LHFPL2: variants seen among roughly 807,000 people sequenced by gnomAD.
LHFPL2 encodes the protein LHFPL tetraspan subfamily member 2 protein.
Under a neutral mutation model 17.5 loss-of-function variants are expected in LHFPL2, and 7 were observed. The observed-to-expected ratio is 0.40, with a 90% CI of 0.23 to 0.75. The LOEUF is 0.75. Among genes scored for constraint, LHFPL2 ranks in the 30% least tolerant of loss-of-function variants. The probability of loss-of-function intolerance (pLI) is 0.37; values close to 1 mark genes in which losing one functional copy is unlikely to be tolerated. For missense variants in LHFPL2, 241 were observed against 294.8 expected (o/e 0.82, Z 1.34); for synonymous variants, 134 against 116.2 (o/e 1.15, Z -0.99).
intron 2 of LHFPL2, among the ~76,000 whole-genome samples, chr5:78,578,567 T>A (rs1295777290): frequency 6.8e-6 from 1 of 147,466 alleles, no homozygotes; most frequent in Non-Finnish European, 1.5e-5. Context: ...GGGCTTAGGC[T>A]GTTTTTCTTG....
chr5:78,579,542 T>C (rs931758005), intron 2 of LHFPL2, among the ~76,000 whole-genome samples: 1 of 151,980 alleles, frequency 6.6e-6, no homozygotes, highest in Non-Finnish European at 1.5e-5. Context: ...CCTTCCTGTG[T>C]CCATGTGTTC....
chr5:78,640,786 A>G (rs1335216978), intron 1 of LHFPL2, among the ~76,000 whole-genome samples: 1 of 152,234 alleles, frequency 6.6e-6, no homozygotes, highest in Non-Finnish European at 1.5e-5. Flanking sequence ...ACAGACTAAC[A>G]ATGATTAATC....
chr5:78,579,210 G>A (rs1297818347), intron 2 of LHFPL2, among the ~76,000 whole-genome samples: 2 of 152,088 alleles, frequency 1.3e-5, no homozygotes, highest in Non-Finnish European at 2.9e-5. Context: ...GTTAAAGTCT[G>A]GCCATTTCTC....
intron 2 of LHFPL2, among the ~76,000 whole-genome samples, chr5:78,580,590 T>C (rs377163746): frequency 7.6e-6 from 1 of 131,940 alleles, no homozygotes; most frequent in East Asian, 2.1e-4. Context: ...CAGCACCATT[T>C]ATTAAATAGG....
intron 2 of LHFPL2, among the ~76,000 whole-genome samples, chr5:78,609,450 C>CAAAA (rs71613975): frequency 1.3e-3 from 52 of 40,632 alleles, no homozygotes; most frequent in African/African-American, 2.4e-3. Context: ...GACTCAGTCT[C>CAAAA]AAAAAAAAAA....
At chr5:78,631,654 G>A (rs1423948325) in intron 2 of LHFPL2, among the ~76,000 whole-genome samples, 2 of 152,248 alleles carry the variant, frequency 1.3e-5, no homozygotes, top group Non-Finnish European at 2.9e-5. Context: ...TGAAATTTGG[G>A]GCCAGGTGTG....
At chr5:78,593,116 C>A (rs1034107631) in intron 2 of LHFPL2, among the ~76,000 whole-genome samples, 1 of 152,142 alleles carries the variant, frequency 6.6e-6, no homozygotes, top group African/African-American at 2.4e-5. Flanking sequence ...AGTCACTACA[C>A]AGCAGTTCCA....
intron 3 of LHFPL2, among the ~76,000 whole-genome samples, chr5:78,541,866 T>C (rs1756124036): frequency 1.3e-5 from 2 of 152,228 alleles, no homozygotes; most frequent in South Asian, 4.1e-4. Flanking sequence ...CGCTAGCTTG[T>C]GCCCACCTAG....
At chr5:78,641,924 C>CACACACACACACACACACAT (rs1554061985) in intron 1 of LHFPL2, 18 of 150,766 alleles carry the variant, frequency 1.2e-4, no homozygotes, top group African/African-American at 3.9e-4. Context: ...CACACACACA[C>CACACACACACACACACACAT]ACACACACAC....
chr5:78,526,374 C>A (rs566108718), intron 3 of LHFPL2, among the ~76,000 whole-genome samples: 2 of 152,130 alleles, frequency 1.3e-5, no homozygotes, highest in South Asian at 4.1e-4. Flanking sequence ...TGACTCATAG[C>A]GAATGCAACA....
intron 2 of LHFPL2, among the ~76,000 whole-genome samples, chr5:78,589,925 G>A (rs1336473614): frequency 2.0e-5 from 3 of 152,228 alleles, no homozygotes; most frequent in African/African-American, 7.2e-5. Flanking sequence ...TAAGTTAAAA[G>A]GGGCCCAAAA....
intron 3 of LHFPL2, among the ~76,000 whole-genome samples, chr5:78,523,357 T>A (rs149700478): frequency 6.6e-6 from 1 of 152,188 alleles, no homozygotes; most frequent in Non-Finnish European, 1.5e-5. Context: ...CTTAACTACT[T>A]TAAATATGTT....
chr5:78,496,135 G>A (rs1490350317), intron 4 of LHFPL2, among the ~76,000 whole-genome samples: 3 of 152,078 alleles, frequency 2.0e-5, no homozygotes, highest in Non-Finnish European at 4.4e-5. Flanking sequence ...TTCAATAGCT[G>A]TTTACTGAGG....
chr5:78,567,525 C>T (rs900122093), intron 2 of LHFPL2, among the ~76,000 whole-genome samples: 1 of 152,100 alleles, frequency 6.6e-6, no homozygotes, highest in African/African-American at 2.4e-5. Context: ...ATCTTGGCAT[C>T]TGTTTTTTAG....
At chr5:78,516,443 C>A (rs1318854315) in intron 3 of LHFPL2, among the ~76,000 whole-genome samples, 1 of 152,110 alleles carries the variant, frequency 6.6e-6, no homozygotes, top group Non-Finnish European at 1.5e-5. Flanking sequence ...TTGGGGCTGT[C>A]ACAGCTGTGG....
intron 2 of LHFPL2, chr5:78,590,128 A>C (rs1743576253): frequency 6.6e-6 from 1 of 152,158 alleles, no homozygotes; most frequent in Admixed American, 6.5e-5. Flanking sequence ...ACTTTCACAC[A>C]CATGGCTCTA....
intron 4 of LHFPL2, among the ~76,000 whole-genome samples, chr5:78,503,009 A>C (rs1754820371): frequency 6.7e-6 from 1 of 150,266 alleles, no homozygotes; most frequent in Non-Finnish European, 1.5e-5. Flanking sequence ...TTAAAAGAAA[A>C]AAGTTGCTGG....
In LHFPL2 at chr5:78,585,069, G is replaced by C. The variant is rs1198615756; in HGVS notation, c.-244-20198C>G. On this transcript the variant is annotated intron_variant, in intron 2 of 4. Transcript: ENST00000380345. ...TCGCCCAGGCTGGAGTGCAGTGGCG[G>C]GATCTCGGCTCATTGCAAGCTCCAC... 2.1e-5 allele frequency among the ~76,000 whole-genome samples: 2 copies of C among 97,258 alleles called. 1 individual carries two copies. Among genetic ancestry groups the C allele is most frequent in the Non-Finnish European group, 4.7e-5 (2 of 42,458 alleles). 63.8% of individuals were successfully genotyped at this position (97,258 alleles called of 152,430 possible).
At chr5:78,597,531 GGA>G (rs1334261932) in intron 2 of LHFPL2, among the ~76,000 whole-genome samples, 1 of 152,186 alleles carries the variant, frequency 6.6e-6, no homozygotes, top group Non-Finnish European at 1.5e-5. Flanking sequence ...AGTTTGTGTG[GGA>G]GAGTGGTGAA....
Sources: gnomAD v4.1 joint callset for allele counts (sites outside exome capture counted in the v4.1 genomes callset) on GRCh38, gnomAD v4.1.1 for gene constraint, MANE v1.5 for transcripts, NCBI Gene and HGNC (gene_info 2026-07-23, HGNC 2026-07-21) for gene names.